Variants in RIPOR3 observed in about 807,000 individuals in gnomAD.
RIPOR3 encodes RIPOR family member 3, also known as family with sequence similarity 65 member C.
A neutral mutation model predicts 114.3 loss-of-function variants in RIPOR3; 95 were observed. That is an observed-to-expected ratio of 0.83 (90% CI 0.70 to 0.99). The LOEUF is 0.99. Ranked by LOEUF, RIPOR3 falls within the 50% of genes least tolerant of loss-of-function variation. The pLI is 0.00. For missense variants in RIPOR3, 1,252 were observed against 1,266.9 expected (o/e 0.99, Z 0.18); for synonymous variants, 575 against 543.8 (o/e 1.06, Z -0.80).
intron 2 of RIPOR3, among the ~76,000 whole-genome samples, chr20:50,622,402 G>A (rs559872508): frequency 3.2e-4 from 48 of 151,818 alleles, no homozygotes; most frequent in Non-Finnish European, 1.3e-4. Context: ...GGCTGGTCTC[G>A]AACTCCTGAC....
At chr20:50,630,973 G>A in intron 1 of RIPOR3, 117 bp from the exon 2 acceptor site, 1 of 798,158 alleles carries the variant, frequency 1.3e-6, no homozygotes, top group Admixed American at 2.2e-5. Flanking sequence ...AGTGTTGTGG[G>A]GGCTGGTACT....
chr20:50,608,671 GTCTGGCTGTCA>G lies in RIPOR3; in HGVS notation c.741_751del (p.Asp248LeufsTer14). ...GAAGGCCTTCTCCTCTTCGTCCCAG[GTCTGGCTGTCA>G]TCTGACTCGATCCGACCCTTGAGCT... On this transcript the variant is annotated frameshift_variant, in exon 10 of 22. Transcript: ENST00000327979. LOFTEE classifies it high-confidence loss of function. The G allele has an allele frequency of 6.2e-7, 1 of 1,614,022 alleles. No individual in the cohort carries two copies. Among genetic ancestry groups the G allele is most frequent in the Non-Finnish European group, 8.5e-7 (1 of 1,179,914 alleles).
At chr20:50,681,275 G>A (rs1319763166) in intron 1 of RIPOR3, among the ~76,000 whole-genome samples, 4 of 135,102 alleles carry the variant, frequency 3.0e-5, no homozygotes, top group South Asian at 2.3e-4. Context: ...TAAGGCACTA[G>A]AAAAAAAAAA....
At chr20:50,681,333 A>AATCTTTT (rs2086856474) in intron 1 of RIPOR3, among the ~76,000 whole-genome samples, 2 of 151,852 alleles carry the variant, frequency 1.3e-5, no homozygotes, top group South Asian at 4.2e-4. Flanking sequence ...ATTTTAGAGA[A>AATCTTTT]ATTGAGGTTC....
intron 1 of RIPOR3, among the ~76,000 whole-genome samples, chr20:50,673,815 G>A (rs1472056939): frequency 6.6e-6 from 1 of 152,214 alleles, no homozygotes; most frequent in African/African-American, 2.4e-5. Flanking sequence ...GGAAGTCAGG[G>A]CTCTCTGACC....
chr20:50,601,950 C>G (rs548799196), intron 13 of RIPOR3, 122 bp downstream of exon 13: 1 of 971,766 alleles, frequency 1.0e-6, no homozygotes. Context: ...ACACGGCCCA[C>G]CCAGGTCACG....
intron 1 of RIPOR3, among the ~76,000 whole-genome samples, chr20:50,647,192 C>T (rs6012985): frequency 0.033 from 5,051 of 152,112 alleles, 290 homozygotes; most frequent in African/African-American, 0.12. Context: ...TGGTGGCGGA[C>T]GCCTGTAATC....
intron 1 of RIPOR3, among the ~76,000 whole-genome samples, chr20:50,666,200 T>G (rs1351337317): frequency 8.8e-6 from 1 of 113,550 alleles, no homozygotes; most frequent in African/African-American, 3.8e-5. Context: ...TTCTTTTCTT[T>G]TCTTTTCTTT....
intron 2 of RIPOR3, among the ~76,000 whole-genome samples, chr20:50,626,286 G>A (rs1390708234): frequency 1.3e-5 from 2 of 152,264 alleles, no homozygotes; most frequent in Non-Finnish European, 2.9e-5. Flanking sequence ...GCCAAGGCCA[G>A]GTGGGGGCTG....
rs190610197 is a variant in RIPOR3 at position 50,613,855 on chromosome 20, C to T, written c.348+2147G>A. On this transcript the variant is annotated intron_variant, in intron 4 of 21. Transcript: ENST00000327979. ...CTCCCACCATCTGCTGCTGGTCACC[C>T]GCCCAACTGTCCACTAAGGGTGAGG... Among the ~76,000 whole-genome samples, 255 of 152,250 alleles carry T rather than the reference C, an allele frequency of 1.7e-3. 1 individual carries two copies. Among genetic ancestry groups the T allele is most frequent in the Admixed American group, 0.015 (228 of 15,284 alleles).
rs367853232 is a variant in RIPOR3 at position 50,640,986 on chromosome 20, C to T, written c.4-10130G>A. The stretch of plus-strand genomic sequence containing the variant: ...GTGCAATGGCGCAATCTCGGCTCAC[C>T]GCAACATCTGCCTCCTGGGTTCAAG... On this transcript the variant is annotated intron_variant, in intron 1 of 21. Transcript: ENST00000327979. 6.6e-5 allele frequency among the ~76,000 whole-genome samples: 10 copies of T among 150,680 alleles called. No homozygotes were observed. The East Asian group carries it at 7.8e-4, about 12-fold the overall frequency.
At chr20:50,649,929 G>A (rs1011212383) in intron 1 of RIPOR3, among the ~76,000 whole-genome samples, 1 of 152,238 alleles carries the variant, frequency 6.6e-6, no homozygotes, top group Non-Finnish European at 1.5e-5. Flanking sequence ...GCAGTCTCCT[G>A]TCTGAGCTGT....
At chr20:50,627,395 A>G (rs891979471) in intron 2 of RIPOR3, among the ~76,000 whole-genome samples, 24 of 150,778 alleles carry the variant, frequency 1.6e-4, no homozygotes, top group Non-Finnish European at 2.9e-5. Flanking sequence ...CTGTAATCCC[A>G]GCTACTCAGG....
chr20:50,630,887 G>A (rs766760831), intron 1 of RIPOR3, 31 bp from the exon 2 acceptor site: 1 of 1,547,686 alleles, frequency 6.5e-7, no homozygotes, highest in Non-Finnish European at 8.8e-7. Flanking sequence ...AGTCAGCCTG[G>A]CATCACCATC....
Position 50,594,590 on chromosome 20 carries a change from G to C in RIPOR3, c.2175C>G (p.His725Gln). 3 of 1,610,960 alleles carry C rather than the reference G, an allele frequency of 1.9e-6. No homozygotes were observed. The highest frequency in any genetic ancestry group is 2.2e-5 in the East Asian group (1 of 44,876). Residue 725 changes from histidine to glutamine, a missense_variant, in exon 17 of 22, where the codon CAC becomes CAG. Transcript: ENST00000327979. ...GTCCTGGGTACTTCCCTCTGACTCTGTGCTGGAAGGTTTTCTTGAGCTGGT... is the reference window on the plus strand; with the variant it reads ...GTCCTGGGTACTTCCCTCTGACTCTCTGCTGGAAGGTTTTCTTGAGCTGGT... The part of the protein sequence containing the change: ...LLNQLKKTFQ[H>Q]RVRGKYPGQL...
At chr20:50,648,803 T>C (rs7273858) in intron 1 of RIPOR3, among the ~76,000 whole-genome samples, 4,372 of 152,148 alleles carry the variant, frequency 0.029, 221 homozygotes, top group African/African-American at 0.1. Flanking sequence ...CTGTGAGAAT[T>C]GAACGCCTCC....
At chr20:50,679,768 CAAAAA>C (rs34233758) in intron 1 of RIPOR3, among the ~76,000 whole-genome samples, 1 of 135,908 alleles carries the variant, frequency 7.4e-6, no homozygotes, top group African/African-American at 2.8e-5. Context: ...GACTCTGTCT[CAAAAA>C]AAAAAAAACC....
intron 1 of RIPOR3, among the ~76,000 whole-genome samples, chr20:50,655,464 C>T (rs1028504352): frequency 2.6e-5 from 4 of 152,314 alleles, no homozygotes; most frequent in South Asian, 2.1e-4. Flanking sequence ...TCAAGATGGG[C>T]GCGCTGACGA....
chr20:50,679,165 C>CACAG (rs1351661529), intron 1 of RIPOR3, among the ~76,000 whole-genome samples: 1 of 109,028 alleles, frequency 9.2e-6, no homozygotes, highest in Non-Finnish European at 1.7e-5. Flanking sequence ...CACACACACA[C>CACAG]AGAGAGAGAG....
Sources: allele counts gnomAD v4.1 joint callset (sites outside exome capture counted in the v4.1 genomes callset), GRCh38; gene constraint gnomAD v4.1.1; transcripts MANE v1.5; gene names NCBI Gene and HGNC (gene_info 2026-07-23, HGNC 2026-07-21).